SLC39A8: variants seen among roughly 807,000 people sequenced by gnomAD.
The protein encoded by SLC39A8 is solute carrier family 39 member 8.
SLC39A8 carries 15 observed loss-of-function variants against 40.4 expected under a neutral mutation model. The observed-to-expected ratio is 0.37, with a 90% confidence interval of 0.25 to 0.57. The LOEUF is 0.57. SLC39A8 is among the 20% of genes least tolerant of loss of function. The pLI, the probability that SLC39A8 is intolerant of heterozygous loss-of-function variation, is 0.75. For synonymous variants in SLC39A8, 223 were observed against 221.6 expected (o/e 1.01, Z -0.06); for missense variants, 472 against 558.8 (o/e 0.84, Z 1.57).
chr4:102,307,292 G>T lies in SLC39A8; in HGVS notation c.552+144C>A. 6 of 957,544 alleles carry T rather than the reference G, an allele frequency of 6.3e-6. No individual in the cohort carries two copies. In the South Asian group the frequency reaches 9.4e-5, roughly 15 times the overall value. The allele number at this position is 957,544 out of a possible 1,614,324, so 59.3% of individuals were successfully genotyped here. A position where few individuals can be genotyped will look rare whatever the true frequency, so the allele number is the denominator to read the frequency against. Reference sequence around the variant, plus strand: ...CAGCTTGGGACAAGCCTTTACAATTGCTGTGATTCAGCTTTCTCTTATCCA... The same window carrying T: ...CAGCTTGGGACAAGCCTTTACAATTTCTGTGATTCAGCTTTCTCTTATCCA... On this transcript the variant is annotated intron_variant, in intron 4 of 8. Transcript: ENST00000356736.
intron 2 of SLC39A8, among the ~76,000 whole-genome samples, chr4:102,340,228 T>C (rs1735884415): frequency 1.3e-5 from 2 of 152,286 alleles, no homozygotes; most frequent in African/African-American, 2.4e-5. Flanking sequence ...AGTCAGACCA[T>C]GCCCTTCAAC....
At position 102,262,498 on chromosome 4, in the gene SLC39A8, A is replaced by C. The variant is rs564121463; in HGVS notation, c.*546T>G. ...TGCAAGTTCCTAATTGAAATACAAA[A>C]CAGAACAAAAAGCTGTGAGAAATCT... On this transcript the variant is annotated 3_prime_UTR_variant, in exon 9 of 9. Coordinates refer to ENST00000356736, the MANE Select transcript of SLC39A8 (RefSeq NM_001135146.2). The C allele has an allele frequency of 2.0e-6, 2 of 985,384 alleles. No homozygotes were observed. Among genetic ancestry groups the C allele is most frequent in the East Asian group, 2.2e-4 (2 of 8,958 alleles). The allele number at this position is 985,384 out of a possible 1,614,324, so 61.0% of individuals were successfully genotyped here.
chr4:102,295,941 G>C (rs1478710327), intron 6 of SLC39A8, among the ~76,000 whole-genome samples: 1 of 152,096 alleles, frequency 6.6e-6, no homozygotes. Context: ...TCCTTGGCAA[G>C]TGGCTCTAGC....
intron 6 of SLC39A8, among the ~76,000 whole-genome samples, chr4:102,281,228 A>G (rs1252411841): frequency 6.6e-6 from 1 of 152,228 alleles, no homozygotes; most frequent in African/African-American, 2.4e-5. Context: ...TTAAATTTCA[A>G]TGTAAGTTGG....
chr4:102,315,805 GA>G lies in SLC39A8; in HGVS notation c.244del (p.Ser82ProfsTer11). The stretch of plus-strand genomic sequence containing the variant: ...GGTAGCATTTGAAAAGCCATGAAGG[GA>G]AAAGATCTCTTCAGCAGTTAAACAC... ...NQCLTAEEIF[S>X]LHGFSNATQI... On this transcript the variant is annotated frameshift_variant, in exon 3 of 9. Coordinates refer to ENST00000356736, the MANE Select transcript of SLC39A8 (RefSeq NM_001135146.2). LOFTEE classifies it high-confidence loss of function. 6.2e-7 allele frequency: 1 copy of G among 1,611,858 alleles called. No individual in the cohort carries two copies. The highest frequency in any genetic ancestry group is 1.7e-5 in the Admixed American group (1 of 59,796).
intron 2 of SLC39A8, among the ~76,000 whole-genome samples, chr4:102,332,855 TGTCATTTTTAGA>T (rs1302850511): frequency 2.0e-5 from 3 of 152,228 alleles, no homozygotes; most frequent in Non-Finnish European, 4.4e-5. Context: ...GATGAGTTCA[TGTCATTTTTAGA>T]GACATGGATG....
intron 2 of SLC39A8, among the ~76,000 whole-genome samples, chr4:102,320,394 GTA>G (rs1458021050): frequency 6.1e-4 from 50 of 82,036 alleles, no homozygotes; most frequent in South Asian, 5.8e-3. Flanking sequence ...ATATATATGA[GTA>G]TATATATATG....
chr4:102,256,893 C>T (rs1385324112), downstream of SLC39A8, among the ~76,000 whole-genome samples: 2 of 152,140 alleles, frequency 1.3e-5, no homozygotes, highest in African/African-American at 2.4e-5. Flanking sequence ...AGGGAAACCA[C>T]AGGTGATGCT....
intron 6 of SLC39A8, among the ~76,000 whole-genome samples, chr4:102,272,992 T>A (rs1225686774): frequency 1.3e-5 from 2 of 152,126 alleles, no homozygotes. Context: ...TCAAGGGCCC[T>A]GGGTTTCAAC....
chr4:102,320,421 A>AGTATATATATATGAGAATATATATAT (rs1734898009), intron 2 of SLC39A8, among the ~76,000 whole-genome samples: 1 of 101,940 alleles, frequency 9.8e-6, no homozygotes, highest in Non-Finnish European at 2.0e-5. Flanking sequence ...TATATATATG[A>AGTATATATATATGAGAATATATATAT]GAATATATAT....
At chr4:102,304,784 C>T (rs996445446) in intron 5 of SLC39A8, among the ~76,000 whole-genome samples, 2 of 150,822 alleles carry the variant, frequency 1.3e-5, no homozygotes, top group South Asian at 2.1e-4. Flanking sequence ...TGAAAAAAAA[C>T]AAAAATAACC....
intron 2 of SLC39A8, among the ~76,000 whole-genome samples, chr4:102,327,618 T>C (rs895878099): frequency 3.3e-5 from 5 of 152,228 alleles, no homozygotes; most frequent in Non-Finnish European, 5.9e-5. Context: ...CATGTATTAT[T>C]ATCTTCTCAT....
intron 6 of SLC39A8, among the ~76,000 whole-genome samples, chr4:102,281,417 T>G (rs1039477195): frequency 1.3e-5 from 2 of 152,124 alleles, no homozygotes; most frequent in Non-Finnish European, 2.9e-5. Context: ...TGACATGAAT[T>G]ACATCAAGAA....
intron 11 of SLC39A8, among the ~76,000 whole-genome samples, chr4:102,255,535 G>A (rs1420654101): frequency 6.6e-6 from 1 of 152,178 alleles, no homozygotes; most frequent in East Asian, 1.9e-4. Context: ...AAGAGTTTTG[G>A]CTCTCCACAT....
intron 6 of SLC39A8, among the ~76,000 whole-genome samples, chr4:102,299,552 A>G (rs766554660): frequency 6.6e-6 from 1 of 152,012 alleles, no homozygotes; most frequent in African/African-American, 2.4e-5. Flanking sequence ...TTAAACTCTC[A>G]TGGAGGCCCA....
At chr4:102,266,058 A>G (rs1434303103) in intron 8 of SLC39A8, among the ~76,000 whole-genome samples, 1 of 152,142 alleles carries the variant, frequency 6.6e-6, no homozygotes, top group Non-Finnish European at 1.5e-5. Context: ...CTCTCATCAT[A>G]TATTCTACTT....
chr4:102,323,432 A>G (rs1436803002), intron 2 of SLC39A8, among the ~76,000 whole-genome samples: 1 of 152,246 alleles, frequency 6.6e-6, no homozygotes, highest in Non-Finnish European at 1.5e-5. Context: ...AGGAGGAGAT[A>G]CATGTGCTAA....
intron 4 of SLC39A8, among the ~76,000 whole-genome samples, chr4:102,305,655 C>A (rs1204027484): frequency 2.0e-5 from 3 of 151,776 alleles, no homozygotes; most frequent in African/African-American, 7.3e-5. Flanking sequence ...AGGCCTAGGC[C>A]CAAGAATAAA....
downstream of SLC39A8, among the ~76,000 whole-genome samples, chr4:102,257,337 T>A (rs1395475423): frequency 6.6e-6 from 1 of 152,132 alleles, no homozygotes; most frequent in Non-Finnish European, 1.5e-5. Context: ...TTATTTTTAA[T>A]TGTATTTCAT....
Sources: allele counts gnomAD v4.1 joint callset (sites outside exome capture counted in the v4.1 genomes callset), GRCh38; gene constraint gnomAD v4.1.1; transcripts MANE v1.5; gene names NCBI Gene and HGNC (gene_info 2026-07-23, HGNC 2026-07-21).